Variants in CACNA1C observed in about 807,000 individuals in gnomAD.
The protein encoded by CACNA1C is voltage-dependent L-type calcium channel subunit alpha-1C.
In CACNA1C, 30 loss-of-function variants were observed where a neutral mutation model predicts 229.0. The observed-to-expected ratio is 0.13, with a 90% confidence interval of 0.10 to 0.18. The LOEUF is 0.18. CACNA1C is among the 10% of genes least tolerant of loss of function. CACNA1C has a pLI of 1.00. For synonymous variants in CACNA1C, 1,114 were observed against 1,132.5 expected (o/e 0.98, Z 0.33); for missense variants, 1,658 against 2,845.0 (o/e 0.58, Z 9.49).
Position 2,602,904 on chromosome 12 carries a change from G to A in CACNA1C, c.2960+944G>A, listed in dbSNP as rs557895365. Among the ~76,000 whole-genome samples, 18 of 152,204 alleles carry A rather than the reference G, an allele frequency of 1.2e-4. 1 individual carries two copies. Among genetic ancestry groups the A allele is most frequent in the African/African-American group, 3.1e-4 (13 of 41,532 alleles). ...ACACACACAAAACGATGGGGGAGAC[G>A]GGGCAAGTGTTATCATGATTGTATA... On this transcript the variant is annotated intron_variant, in intron 22 of 46. Transcript: ENST00000399655. This position sits in a 1 kb window ranked among gnomAD's most constrained non-coding sequence, Gnocchi z 4.4.
chr12:2,601,731 G>A lies in CACNA1C; in HGVS notation c.2854-123G>A, dbSNP rs1379364661. On this transcript the variant is annotated intron_variant, in intron 21 of 46. Coordinates refer to ENST00000399655, the MANE Select transcript of CACNA1C (RefSeq NM_000719.7). This position sits in a 1 kb window ranked among gnomAD's most constrained non-coding sequence, Gnocchi z 5.9. Reference sequence around the variant, plus strand: ...CCATAGCGCCGTCTTTGTCCTTCCTGTTCCCCATGGATGGTGCTTGGGACT... The same window carrying A: ...CCATAGCGCCGTCTTTGTCCTTCCTATTCCCCATGGATGGTGCTTGGGACT... 6.9e-6 allele frequency: 5 copies of A among 726,320 alleles called. No homozygotes were observed. The East Asian group carries it at 7.7e-5, about 11-fold the overall frequency. 45.0% of individuals were successfully genotyped at this position (726,320 alleles called of 1,614,324 possible). A position where few individuals can be genotyped will look rare whatever the true frequency, so the allele number is the denominator to read the frequency against.
At chr12:2,195,893 G>GAT (rs1228740764) in intron 3 of CACNA1C, among the ~76,000 whole-genome samples, 1 of 152,168 alleles carries the variant, frequency 6.6e-6, no homozygotes, top group Admixed American at 6.5e-5. Context: ...CATCCCTGGA[G>GAT]ATCCCAGCCT....
chr12:2,460,192 A>C (rs914130248), intron 5 of CACNA1C, among the ~76,000 whole-genome samples: 2 of 152,216 alleles, frequency 1.3e-5, no homozygotes, highest in Non-Finnish European at 2.9e-5. Context: ...GGAGGTGCTC[A>C]CAAAATGGGG....
In CACNA1C at chr12:2,046,989, C is replaced by G. The variant is rs554548654; in HGVS notation, c.140-68235C>G. On this transcript the variant is annotated intron_variant, in intron 1 of 46. Transcript: ENST00000682462. ...AAGGAGAAAGGCCATTCTGCACCCTCTTCAGCTTTGCTCTCTGAACCGTGG... is the reference window on the plus strand; with the variant it reads ...AAGGAGAAAGGCCATTCTGCACCCTGTTCAGCTTTGCTCTCTGAACCGTGG... Among the ~76,000 whole-genome samples the G allele has an allele frequency of 8.5e-4, 129 of 152,330 alleles. 1 individual carries two copies. The highest frequency in any genetic ancestry group is 3.0e-3 in the African/African-American group (124 of 41,578).
intron 3 of CACNA1C, among the ~76,000 whole-genome samples, chr12:2,123,201 C>T (rs2087789271): frequency 1.3e-5 from 2 of 152,050 alleles, no homozygotes; most frequent in Middle Eastern, 3.4e-3. Flanking sequence ...ACGGTAAAAC[C>T]CCATCTCTAC....
chr12:2,492,331 T>C (rs902118670), intron 6 of CACNA1C, among the ~76,000 whole-genome samples: 5 of 152,234 alleles, frequency 3.3e-5, no homozygotes, highest in Non-Finnish European at 7.3e-5. Flanking sequence ...ACAGACACTG[T>C]GTTCTACTGT....
chr12:1,985,658 A>G (rs2037482944), intron 1 of CACNA1C, among the ~76,000 whole-genome samples: 1 of 152,102 alleles, frequency 6.6e-6, no homozygotes, highest in East Asian at 1.9e-4. Flanking sequence ...TGCACCCTGG[A>G]CATTTTTATT....
intron 14 of CACNA1C, 34 bp from the exon 15 acceptor site, chr12:2,582,788 C>T (rs1568568617): frequency 1.2e-6 from 2 of 1,612,240 alleles, no homozygotes; most frequent in Non-Finnish European, 8.5e-7. Flanking sequence ...TGGTCTAACG[C>T]TGTGTCCCTT....
chr12:2,208,901 T>C (rs969933530), intron 3 of CACNA1C, among the ~76,000 whole-genome samples: 1 of 152,204 alleles, frequency 6.6e-6, no homozygotes, highest in African/African-American at 2.4e-5. Flanking sequence ...TAGAGAAACC[T>C]GTGACCTGAC....
intron 1 of CACNA1C, among the ~76,000 whole-genome samples, chr12:1,983,850 A>T (rs1198313183): frequency 6.6e-6 from 1 of 152,048 alleles, no homozygotes; most frequent in Admixed American, 6.5e-5. Flanking sequence ...AATTAAAAAA[A>T]AAACAAAAAC....
At chr12:2,306,512 G>A (rs1430993964) in intron 3 of CACNA1C, among the ~76,000 whole-genome samples, 4 of 152,176 alleles carry the variant, frequency 2.6e-5, no homozygotes, top group African/African-American at 7.2e-5. Flanking sequence ...CTGTAGAATA[G>A]AAAATTAAAG....
At chr12:2,365,369 A>G (rs1340484933) in intron 3 of CACNA1C, among the ~76,000 whole-genome samples, 1 of 152,254 alleles carries the variant, frequency 6.6e-6, no homozygotes, top group Admixed American at 6.5e-5. Context: ...TTAGATCAAA[A>G]GAATACCGAA....
chr12:2,193,450 G>A (rs1161026058), intron 3 of CACNA1C, among the ~76,000 whole-genome samples: 2 of 137,368 alleles, frequency 1.5e-5, no homozygotes, highest in African/African-American at 5.1e-5. Context: ...GCTAGACCCT[G>A]TCTCAAAAAA....
rs1205654985 is a variant in CACNA1C, at chr12:2,488,501, A to G, written c.916+2239A>G. Reference sequence around the variant, plus strand: ...ATAAGACTTGGCCTCCCCAATTGGAATGGCCAATTTAGGATCACATTGTCC... The same window carrying G: ...ATAAGACTTGGCCTCCCCAATTGGAGTGGCCAATTTAGGATCACATTGTCC... On this transcript the variant is annotated intron_variant, in intron 6 of 46. Coordinates refer to ENST00000399655, the MANE Select transcript of CACNA1C (RefSeq NM_000719.7). The surrounding 1 kb of genome is among the most constrained non-coding windows in gnomAD (Gnocchi z 4.0). 1.3e-5 allele frequency among the ~76,000 whole-genome samples: 2 copies of G among 152,232 alleles called. No individual in the cohort carries two copies. Among genetic ancestry groups the G allele is most frequent in the African/African-American group, 4.8e-5 (2 of 41,466 alleles).
In CACNA1C at chr12:2,486,332, G is replaced by GGTCATGTTGGTGTA; in HGVS notation, c.916+71_916+72insTCATGTTGGTGTAG. On this transcript the variant is annotated intron_variant, in intron 6 of 46. Coordinates refer to ENST00000399655, the MANE Select transcript of CACNA1C (RefSeq NM_000719.7). The surrounding 1 kb of genome is among the most constrained non-coding windows in gnomAD (Gnocchi z 4.9). ...CGCTCCCAGCACCTTTCCCGCTGCT[G>GGTCATGTTGGTGTA]GCTACACCAACATGACCAGCAGAGC... The GGTCATGTTGGTGTA allele has an allele frequency of 7.4e-7, 1 of 1,350,218 alleles. No homozygotes were observed. The highest frequency in any genetic ancestry group is 1.0e-6 in the Non-Finnish European group (1 of 973,922). The allele number at this position is 1,350,218 out of a possible 1,614,324, so 83.6% of individuals were successfully genotyped here. A position where few individuals can be genotyped will look rare whatever the true frequency, so the allele number is the denominator to read the frequency against.
chr12:2,066,363 G>T (rs1040855750), intron 1 of CACNA1C, among the ~76,000 whole-genome samples: 15 of 152,104 alleles, frequency 9.9e-5, no homozygotes, highest in African/African-American at 3.6e-4. Context: ...ACAGGAGGAG[G>T]GTAAAATGGA....
intron 3 of CACNA1C, among the ~76,000 whole-genome samples, chr12:2,437,004 C>G (rs1403963410): frequency 6.6e-6 from 1 of 152,248 alleles, no homozygotes; most frequent in Non-Finnish European, 1.5e-5. Context: ...GTTTCCCATT[C>G]AACGAGAGAT....
intron 13 of CACNA1C, among the ~76,000 whole-genome samples, chr12:2,573,535 A>G (rs1450185643): frequency 6.6e-6 from 1 of 152,264 alleles, no homozygotes; most frequent in African/African-American, 2.4e-5. Flanking sequence ...TCAGAGTAGT[A>G]TAATGCTTGG....
At chr12:2,229,951 G>A (rs2064293095) in intron 3 of CACNA1C, among the ~76,000 whole-genome samples, 1 of 152,210 alleles carries the variant, frequency 6.6e-6, no homozygotes, top group African/African-American at 2.4e-5. Flanking sequence ...TATCCCAGGT[G>A]AGCATGGCTG....
Sources: allele counts gnomAD v4.1 joint callset (sites outside exome capture counted in the v4.1 genomes callset), GRCh38; gene constraint gnomAD v4.1.1; non-coding constraint Gnocchi (gnomAD v3.1); transcripts MANE v1.5; gene names NCBI Gene and HGNC (gene_info 2026-07-23, HGNC 2026-07-21).